HDAC9: variants seen among roughly 807,000 people sequenced by gnomAD.
HDAC9 encodes the protein histone deacetylase 9.
A neutral mutation model predicts 139.4 loss-of-function variants in HDAC9; 41 were observed. The ratio of observed to expected loss-of-function variants is 0.29; its 90% confidence interval spans 0.23 to 0.38. HDAC9 has a LOEUF of 0.38. HDAC9 is among the 10% of genes least tolerant of loss of function. The pLI is 1.00. For synonymous variants in HDAC9, 517 were observed against 476.2 expected, an observed-to-expected ratio of 1.09 and a Z score of -1.12; for missense variants, 1,147 against 1,297.0, an observed-to-expected ratio of 0.88 and a Z score of 1.78.
intron 17 of HDAC9, among the ~76,000 whole-genome samples, chr7:18,810,001 A>G (rs1390420898): frequency 2.6e-5 from 4 of 151,994 alleles, no homozygotes; most frequent in Non-Finnish European, 1.5e-5. Flanking sequence ...TACAAATAAA[A>G]TATAGCATAT....
chr7:18,482,082 C>CTTTCTGTTTTCT (rs1485212623), intron 1 of HDAC9, among the ~76,000 whole-genome samples: 3 of 152,034 alleles, frequency 2.0e-5, no homozygotes, highest in Non-Finnish European at 4.4e-5. Flanking sequence ...GAGGCATGAT[C>CTTTCTGTTTTCT]ATTCAGTCAG....
chr7:18,229,862 T>C (rs1398155281), intron 2 of HDAC9, among the ~76,000 whole-genome samples: 1 of 152,240 alleles, frequency 6.6e-6, no homozygotes, highest in East Asian at 1.9e-4. Flanking sequence ...TCTAACTGGG[T>C]CATTGATTTT....
intron 1 of HDAC9, among the ~76,000 whole-genome samples, chr7:18,161,226 G>A (rs1272942237): frequency 6.6e-6 from 1 of 152,154 alleles, no homozygotes; most frequent in Admixed American, 6.5e-5. Context: ...TCTATTTAGA[G>A]ACCATATAAG....
chr7:18,106,531 C>A (rs1014445370), intron 1 of HDAC9, among the ~76,000 whole-genome samples: 1 of 152,116 alleles, frequency 6.6e-6, no homozygotes, highest in Non-Finnish European at 1.5e-5. Flanking sequence ...TAGCTCACTG[C>A]AACCTCCGCC....
rs1293130516 is a variant in HDAC9, at chr7:18,732,989, GTGTA to G, written c.1909+5236_1909+5239del. 4.8e-5 allele frequency among the ~76,000 whole-genome samples: 7 copies of G among 145,192 alleles called. No individual in the cohort carries two copies. The East Asian group carries it at 1.4e-3, about 30-fold the overall frequency. Reference sequence around the variant, plus strand: ...TGTGTATATACACATGTGTATGTGTGTGTATGTGTATATACACATGTGTATGTGT... The same window carrying G: ...TGTGTATATACACATGTGTATGTGTGTGTGTATATACACATGTGTATGTGT... On this transcript the variant is annotated intron_variant, in intron 13 of 25. Transcript: ENST00000686413.
chr7:18,178,085 C>T (rs1484240449), intron 2 of HDAC9, among the ~76,000 whole-genome samples: 1 of 150,102 alleles, frequency 6.7e-6, no homozygotes, highest in Non-Finnish European at 1.5e-5. Context: ...CACCTCCCCT[C>T]CCCTCCCCTC....
intron 2 of HDAC9, among the ~76,000 whole-genome samples, chr7:18,165,871 A>G (rs527765359): frequency 1.8e-4 from 28 of 152,106 alleles, no homozygotes; most frequent in African/African-American, 5.8e-4. Flanking sequence ...TGAGGGGAAC[A>G]TTCTAGTGGC....
intron 21 of HDAC9, among the ~76,000 whole-genome samples, chr7:18,849,188 A>G (rs1469296935): frequency 6.6e-6 from 1 of 152,220 alleles, no homozygotes; most frequent in Non-Finnish European, 1.5e-5. Flanking sequence ...AGTACATTAT[A>G]TTACATGTCA....
intron 3 of HDAC9, among the ~76,000 whole-genome samples, chr7:18,586,580 A>G (rs1829523645): frequency 6.6e-6 from 1 of 152,086 alleles, no homozygotes; most frequent in Non-Finnish European, 1.5e-5. Flanking sequence ...TTACCACATT[A>G]ATATGACAGT....
At chr7:18,665,849 A>ATTATTCCCAGGTTCAACTTTCAAAAC (rs1346907226) in intron 11 of HDAC9, among the ~76,000 whole-genome samples, 13 of 152,112 alleles carry the variant, frequency 8.5e-5, no homozygotes, top group African/African-American at 3.1e-4. Flanking sequence ...TGAGAAAAGT[A>ATTATTCCCAGGTTCAACTTTCAAAAC]TTATTCCCAG....
intron 25 of HDAC9, among the ~76,000 whole-genome samples, chr7:18,992,005 C>G (rs933666002): frequency 6.6e-6 from 1 of 152,224 alleles, no homozygotes; most frequent in African/African-American, 2.4e-5. Context: ...TATGAGTAAA[C>G]TAAGTATTGC....
At chr7:18,856,539 T>C (rs1797695082) in intron 21 of HDAC9, among the ~76,000 whole-genome samples, 1 of 152,092 alleles carries the variant, frequency 6.6e-6, no homozygotes, top group South Asian at 2.1e-4. Flanking sequence ...TACACTGAAC[T>C]TGGAGTGGGC....
chr7:18,411,816 G>GTTTTTTTT lies in HDAC9; in HGVS notation c.-41-84446_-41-84445insTTTTTTTT, dbSNP rs1280818174. ...GGTGTACTAAATGTAATTTCAACTT[G>GTTTTTTTT]CTTTTTTTTTTTTTTTTTTTTTTTT... On this transcript the variant is annotated intron_variant, in intron 1 of 3. Transcript: ENST00000413509. 5.1e-4 allele frequency among the ~76,000 whole-genome samples: 46 copies of GTTTTTTTT among 89,428 alleles called. 1 individual carries two copies. The highest frequency in any genetic ancestry group is 2.8e-3 in the Admixed American group (20 of 7,060). The allele number at this position is 89,428 out of a possible 152,430, so 58.7% of individuals were successfully genotyped here.
At chr7:18,179,500 T>C (rs1789212677) in intron 2 of HDAC9, among the ~76,000 whole-genome samples, 2 of 152,224 alleles carry the variant, frequency 1.3e-5, no homozygotes, top group Non-Finnish European at 2.9e-5. Context: ...TTAACCACTA[T>C]ATAAGGATGA....
At chr7:18,707,466 G>C (rs1437323013) in intron 12 of HDAC9, among the ~76,000 whole-genome samples, 1 of 152,078 alleles carries the variant, frequency 6.6e-6, no homozygotes, top group Non-Finnish European at 1.5e-5. Flanking sequence ...TAATAAAAAG[G>C]TATGAAAATA....
chr7:18,604,213 C>G (rs1466660658), intron 6 of HDAC9, among the ~76,000 whole-genome samples: 2 of 152,028 alleles, frequency 1.3e-5, no homozygotes, highest in African/African-American at 4.8e-5. Flanking sequence ...TATTCTTTCT[C>G]TCTTTCTTGT....
Position 18,400,537 on chromosome 7 carries a change from T to G in HDAC9, c.-41-95725T>G, listed in dbSNP as rs541131376. Among the ~76,000 whole-genome samples the G allele has an allele frequency of 1.6e-4, 25 of 152,200 alleles. No homozygotes were observed. The South Asian group carries it at 4.6e-3, about 28-fold the overall frequency. On this transcript the variant is annotated intron_variant, in intron 1 of 3. Coordinates refer to the HDAC9 transcript ENST00000413509. ...GTGAAGTTGGACATGGGGTCATCCA[T>G]TGAGAGGATAGCCGGGAGGTATGAA...
At chr7:18,920,864 AG>A (rs1286188984) in intron 22 of HDAC9, among the ~76,000 whole-genome samples, 2 of 152,106 alleles carry the variant, frequency 1.3e-5, no homozygotes, top group African/African-American at 4.8e-5. Context: ...ATGGTGGATA[AG>A]CTTTTTGATG....
chr7:18,701,923 T>C (rs1783521080), intron 12 of HDAC9, among the ~76,000 whole-genome samples: 1 of 152,246 alleles, frequency 6.6e-6, no homozygotes, highest in Admixed American at 6.5e-5. Context: ...TCCAGTTTTC[T>C]GTGTTTCCAT....
Sources: gnomAD v4.1 joint callset for allele counts (sites outside exome capture counted in the v4.1 genomes callset) on GRCh38, gnomAD v4.1.1 for gene constraint, MANE v1.5 for transcripts, NCBI Gene and HGNC (gene_info 2026-07-23, HGNC 2026-07-21) for gene names.